Variants in CEP192 observed in about 807,000 individuals in gnomAD.
CEP192 encodes the protein centrosomal protein of 192 kDa.
A neutral mutation model predicts 271.8 loss-of-function variants in CEP192; 151 were observed. The observed-to-expected ratio is 0.56, with a 90% CI of 0.49 to 0.64. The LOEUF is 0.64. CEP192 is among the 30% of genes least tolerant of loss of function. The probability of loss-of-function intolerance (pLI) is 0.00; values close to 1 mark genes in which losing one functional copy is unlikely to be tolerated. For synonymous variants in CEP192, 995 were observed against 1,076.5 expected (o/e 0.92, Z 1.48); for missense variants, 2,910 against 3,020.5 (o/e 0.96, Z 0.86).
rs1414764833 is a variant in CEP192 at position 13,019,072 on chromosome 18, A to T, written c.926-10A>T. ...TGTGGCTCCTTTAACATTTTTCTTT[A>T]TTTTTTCAGGTAATTCTATAGGTAC... is the stretch of plus-strand genomic sequence containing the variant. On this transcript the variant is annotated splice_polypyrimidine_tract_variant and intron_variant, in intron 8 of 44. Coordinates refer to ENST00000506447, the MANE Select transcript of CEP192 (RefSeq NM_032142.4). The T allele has an allele frequency of 1.3e-6, 2 of 1,523,878 alleles. No homozygotes were observed. The highest frequency in any genetic ancestry group is 4.6e-5 in the Admixed American group (2 of 43,882). The allele number at this position is 1,523,878 out of a possible 1,614,324, so 94.4% of individuals were successfully genotyped here.
chr18:13,092,601 C>G, intron 34 of CEP192, 74 bp downstream of exon 34: 2 of 1,009,302 alleles, frequency 2.0e-6, no homozygotes, highest in Non-Finnish European at 2.9e-6. Flanking sequence ...ATCTTTTTTC[C>G]TGTACTTCAC....
chr18:13,008,138 G>A (rs1035290812), intron 3 of CEP192, among the ~76,000 whole-genome samples: 7 of 152,210 alleles, frequency 4.6e-5, no homozygotes, highest in African/African-American at 1.4e-4. Flanking sequence ...ATTTTAGAAA[G>A]CTGAATTATG....
chr18:13,068,799 T>G (rs2037851288), intron 24 of CEP192, 53 bp from the exon 25 acceptor site: 1 of 1,604,956 alleles, frequency 6.2e-7, no homozygotes, highest in African/African-American at 1.3e-5. Context: ...TGATGGCATT[T>G]AGAATTAAAT....
intron 36 of CEP192, among the ~76,000 whole-genome samples, chr18:13,097,527 C>T (rs894471324): frequency 1.1e-4 from 16 of 152,048 alleles, no homozygotes; most frequent in Middle Eastern, 3.4e-3. Flanking sequence ...TTTATTCTCA[C>T]GTGGCTCAGA....
At chr18:13,103,368 C>G in intron 38 of CEP192, 141 bp from the exon 39 acceptor site, 1 of 640,598 alleles carries the variant, frequency 1.6e-6, no homozygotes, top group Non-Finnish European at 2.8e-6. Context: ...AAAGAAAATA[C>G]TGTGGTTCTT....
intron 39 of CEP192, chr18:13,103,809 C>T (rs936912456): frequency 6.6e-6 from 4 of 606,642 alleles, no homozygotes; most frequent in East Asian, 6.9e-5. Context: ...CCTGCCTTAG[C>T]CTCCCATGTG....
At chr18:13,069,691 C>G in intron 26 of CEP192, 47 bp from the exon 27 acceptor site, 1 of 1,135,586 alleles carries the variant, frequency 8.8e-7, no homozygotes, top group South Asian at 1.3e-5. Context: ...GCGAAAACTG[C>G]GTTTTTGTAA....
intron 36 of CEP192, among the ~76,000 whole-genome samples, chr18:13,097,444 A>G (rs1568412736): frequency 6.6e-6 from 1 of 151,846 alleles, no homozygotes; most frequent in Non-Finnish European, 1.5e-5. Context: ...TTTCTTCTCC[A>G]TCTCCCCGAC....
intron 14 of CEP192, among the ~76,000 whole-genome samples, chr18:13,041,448 C>T (rs1463797848): frequency 6.6e-6 from 1 of 152,052 alleles, no homozygotes; most frequent in Non-Finnish European, 1.5e-5. Flanking sequence ...TGCTGCATTC[C>T]TTAAAGAGCC....
At chr18:13,087,418 G>A in intron 31 of CEP192, 113 bp from the exon 32 acceptor site, 2 of 924,054 alleles carry the variant, frequency 2.2e-6, no homozygotes, top group Non-Finnish European at 3.2e-6. Context: ...GAAATGCCAT[G>A]CGTATGCACT....
intron 3 of CEP192, among the ~76,000 whole-genome samples, chr18:13,002,112 A>C (rs182847758): frequency 5.1e-4 from 77 of 152,318 alleles, no homozygotes; most frequent in Middle Eastern, 3.4e-3. Flanking sequence ...AATAGAGAAT[A>C]TAGAAAATTA....
At chr18:13,056,725 T>C in intron 19 of CEP192, 27 bp downstream of exon 19, 1 of 1,506,292 alleles carries the variant, frequency 6.6e-7, no homozygotes, top group Non-Finnish European at 9.0e-7. Context: ...CTATTATTAT[T>C]ACTTGCTATT....
At chr18:13,066,276 T>A (rs2037693892) in intron 21 of CEP192, among the ~76,000 whole-genome samples, 1 of 152,236 alleles carries the variant, frequency 6.6e-6, no homozygotes, top group South Asian at 2.1e-4. Flanking sequence ...CATTGCTTCA[T>A]GAATCTCTTG....
At chr18:13,116,901 G>A (rs1232127013) in intron 43 of CEP192, among the ~76,000 whole-genome samples, 6 of 152,064 alleles carry the variant, frequency 3.9e-5, no homozygotes, top group African/African-American at 1.4e-4. Flanking sequence ...GTGCCACCAC[G>A]CCCGGCCATA....
chr18:13,032,895 C>A (rs936279986), intron 11 of CEP192, among the ~76,000 whole-genome samples: 2 of 152,150 alleles, frequency 1.3e-5, no homozygotes, highest in Non-Finnish European at 2.9e-5. Flanking sequence ...ATCTCAGGAA[C>A]ATGTGGAATG....
intron 36 of CEP192, among the ~76,000 whole-genome samples, chr18:13,098,387 G>A (rs925696573): frequency 3.3e-5 from 5 of 152,132 alleles, no homozygotes; most frequent in African/African-American, 1.2e-4. Flanking sequence ...CCCAGACGGG[G>A]CGGCTGCCGG....
At chr18:13,053,673 G>C (rs2144086880) in intron 18 of CEP192, among the ~76,000 whole-genome samples, 4 of 152,202 alleles carry the variant, frequency 2.6e-5, no homozygotes, top group Non-Finnish European at 5.9e-5. Flanking sequence ...TCACTGTCAT[G>C]ATCTGTTTTG....
At chr18:13,066,238 C>G (rs2037691891) in intron 21 of CEP192, among the ~76,000 whole-genome samples, 1 of 152,200 alleles carries the variant, frequency 6.6e-6, no homozygotes, top group African/African-American at 2.4e-5. Flanking sequence ...ACAGATTTAT[C>G]AAGCTATTTA....
At chr18:13,005,961 G>A (rs1050055114) in intron 3 of CEP192, among the ~76,000 whole-genome samples, 2 of 152,180 alleles carry the variant, frequency 1.3e-5, no homozygotes, top group Admixed American at 6.5e-5. Context: ...TCTGAACTAT[G>A]TTTTCTCTCT....
Sources: allele counts gnomAD v4.1 joint callset (sites outside exome capture counted in the v4.1 genomes callset), GRCh38; gene constraint gnomAD v4.1.1; transcripts MANE v1.5; gene names NCBI Gene and HGNC (gene_info 2026-07-23, HGNC 2026-07-21).